The following CPAP variants were observed in gnomAD, a reference collection of about 807,000 sequenced individuals.
CPAP encodes the protein centrosome assembly and centriole elongation protein.
the CPAP span, chr13:24,906,513 G>A: frequency 1.2e-6 from 2 of 1,614,040 alleles, no homozygotes; most frequent in African/African-American, 2.7e-5. Context: ...GTATCGCAAG[G>A]TTTTGGACAC....
At chr13:24,919,945 A>T in the CPAP span, among the ~76,000 whole-genome samples, 1 of 149,608 alleles carries the variant, frequency 6.7e-6, no homozygotes, top group Non-Finnish European at 1.5e-5. Context: ...TTATTTTTTA[A>T]TTTTTTTGTA....
chr13:24,891,671 C>T, the CPAP span, among the ~76,000 whole-genome samples: 2 of 152,158 alleles, frequency 1.3e-5, no homozygotes, highest in African/African-American at 4.8e-5. Flanking sequence ...GCCCATGCTC[C>T]CTTCCACCTG....
the CPAP span, chr13:24,889,292 T>C: frequency 6.7e-7 from 1 of 1,499,692 alleles, no homozygotes; most frequent in South Asian, 1.1e-5. Flanking sequence ...AAATGTTTTA[T>C]AAAAAGATCA....
chr13:24,893,196 A>G, the CPAP span, among the ~76,000 whole-genome samples: 1 of 152,260 alleles, frequency 6.6e-6, no homozygotes. Context: ...GGAGATCCCA[A>G]AAAGAAGAAA....
chr13:24,927,040 T>C, the CPAP span, among the ~76,000 whole-genome samples: 2 of 152,018 alleles, frequency 1.3e-5, no homozygotes, highest in South Asian at 4.2e-4. Context: ...AACATATGGG[T>C]CACTCAGAAA....
the CPAP span, chr13:24,886,105 G>A: frequency 1.3e-5 from 5 of 390,106 alleles, no homozygotes; most frequent in African/African-American, 6.2e-5. Context: ...TACTGTACCA[G>A]CAACATATAC....
the CPAP span, among the ~76,000 whole-genome samples, chr13:24,897,536 AT>A: frequency 6.6e-6 from 1 of 152,200 alleles, no homozygotes; most frequent in Non-Finnish European, 1.5e-5. Context: ...CCCTTCTTGG[AT>A]TCTTGTAAAC....
chr13:24,884,316 A>AACAT, the CPAP span: 4 of 1,614,150 alleles, frequency 2.5e-6, no homozygotes, highest in Non-Finnish European at 3.4e-6. Flanking sequence ...CACCTCTGGA[A>AACAT]ACATACCACT....
the CPAP span, among the ~76,000 whole-genome samples, chr13:24,894,593 AAGG>A: frequency 1.3e-3 from 204 of 152,322 alleles, 5 homozygotes; most frequent in African/African-American, 4.9e-3. Flanking sequence ...CAAGGCTTTT[AAGG>A]AGTTTTGCTG....
chr13:24,932,275 T>C, the CPAP span, among the ~76,000 whole-genome samples: 13 of 152,114 alleles, frequency 8.5e-5, 1 homozygote, highest in Non-Finnish European at 1.0e-4. Flanking sequence ...AATGGACAAA[T>C]ACCAGCCTGG....
At chr13:24,893,340 T>C in the CPAP span, among the ~76,000 whole-genome samples, 1 of 152,246 alleles carries the variant, frequency 6.6e-6, no homozygotes, top group Non-Finnish European at 1.5e-5. Context: ...ATGAGTTGTT[T>C]TAGAAAGACT....
the CPAP span, among the ~76,000 whole-genome samples, chr13:24,910,454 A>T: frequency 6.6e-6 from 1 of 152,268 alleles, no homozygotes; most frequent in Non-Finnish European, 1.5e-5. Flanking sequence ...TGAACTCCGG[A>T]CCTCAGGTGA....
chr13:24,905,701 C>T, the CPAP span: 2 of 1,614,220 alleles, frequency 1.2e-6, no homozygotes, highest in Admixed American at 3.3e-5. Flanking sequence ...ATCTCGAGGG[C>T]TCAGACACTT....
chr13:24,892,872 C>CA, the CPAP span: 111,168 of 1,004,596 alleles, frequency 0.11, 222 homozygotes, highest in East Asian at 0.27. Context: ...TAAAGTCTCT[C>CA]AAAAAAAAAA....
At chr13:24,904,563 C>G in the CPAP span, among the ~76,000 whole-genome samples, 1 of 152,096 alleles carries the variant, frequency 6.6e-6, no homozygotes, top group Non-Finnish European at 1.5e-5. Context: ...ATCCACAAGG[C>G]TAAAGAAATG....
At chr13:24,926,842 A>G in the CPAP span, among the ~76,000 whole-genome samples, 1 of 152,204 alleles carries the variant, frequency 6.6e-6, no homozygotes, top group African/African-American at 2.4e-5. Flanking sequence ...AGCATTAGAG[A>G]AAACAGAGCT....
chr13:24,884,825 G>T, the CPAP span, among the ~76,000 whole-genome samples: 1 of 152,092 alleles, frequency 6.6e-6, no homozygotes, highest in African/African-American at 2.4e-5. Flanking sequence ...ACCAGATTAG[G>T]TATTCGAAAA....
the CPAP span, among the ~76,000 whole-genome samples, chr13:24,908,882 A>C: frequency 2.6e-5 from 4 of 152,232 alleles, no homozygotes; most frequent in Non-Finnish European, 4.4e-5. Context: ...TATACAGATG[A>C]ATGTCCTAAT....
the CPAP span, among the ~76,000 whole-genome samples, chr13:24,888,259 T>TA: frequency 0.016 from 2,493 of 151,350 alleles, 65 homozygotes; most frequent in East Asian, 0.08. Context: ...AAACATACAT[T>TA]AAAAAAAACA....
Sources: allele counts gnomAD v4.1 joint callset (sites outside exome capture counted in the v4.1 genomes callset), GRCh38; gene constraint gnomAD v4.1.1; transcripts MANE v1.5; gene names NCBI Gene and HGNC (gene_info 2026-07-23, HGNC 2026-07-21).